Variants in ZNF532 observed in about 807,000 individuals in gnomAD.
The protein encoded by ZNF532 is zinc finger protein 532.
A neutral mutation model predicts 89.3 loss-of-function variants in ZNF532; 22 were observed. That is an observed-to-expected ratio of 0.25 (90% confidence interval 0.18 to 0.35). ZNF532 has a LOEUF of 0.35. Ranked by LOEUF, ZNF532 falls within the 10% of genes least tolerant of loss-of-function variation. ZNF532 has a pLI of 1.00. For synonymous variants in ZNF532, 606 were observed against 649.6 expected (o/e 0.93, Z 1.02); for missense variants, 1,132 against 1,643.4 (o/e 0.69, Z 5.38).
chr18:58,927,117 A>G (rs547481547), intron 3 of ZNF532, among the ~76,000 whole-genome samples: 1 of 152,314 alleles, frequency 6.6e-6, no homozygotes, highest in East Asian at 1.9e-4. Context: ...TTCTCCAATG[A>G]AACCATCTGG....
rs535842577 is a variant in ZNF532, at chr18:58,895,812, T to C, written c.-17-22459T>C. ...AGGTGTCATAAGGGGTGCCAGACAT[T>C]AGAATACAGTGCATTTCTCAAATCT... is the stretch of plus-strand genomic sequence containing the variant. On this transcript the variant is annotated intron_variant, in intron 2 of 9. Coordinates refer to ENST00000591808, the MANE Select transcript of ZNF532 (RefSeq NM_001375912.1). Among the ~76,000 whole-genome samples the C allele has an allele frequency of 8.5e-5, 13 of 152,246 alleles. 1 individual carries two copies. Among genetic ancestry groups the C allele is most frequent in the East Asian group, 3.9e-4 (2 of 5,180 alleles).
chr18:58,979,142 G>A lies in ZNF532; in HGVS notation c.3238G>A (p.Gly1080Ser), dbSNP rs377208554. The change falls in exon 8 of 10, where the codon GGC (glycine) becomes AGC (serine). Residue 1080 changes from glycine to serine, a missense_variant. Transcript: ENST00000591808. The stretch of plus-strand genomic sequence containing the variant: ...CCGGCACAACCGGATCAAGCACAAA[G>A]GCATCAGGAAAGTGTACGCCTGCTC... ...LCRHNRIKHK[G>S]IRKVYACSHC... 6.2e-7 allele frequency: 1 copy of A among 1,613,366 alleles called. No homozygotes were observed. Among genetic ancestry groups the A allele is most frequent in the Non-Finnish European group, 8.5e-7 (1 of 1,179,394 alleles).
chr18:58,941,984 C>CTCCTTCCCTCCTTCCCT (rs1555739612), intron 5 of ZNF532, among the ~76,000 whole-genome samples: 4 of 135,212 alleles, frequency 3.0e-5, no homozygotes, highest in South Asian at 2.7e-4. Context: ...CCCTCCTTCC[C>CTCCTTCCCTCCTTCCCT]TCCTTCCCTT....
At chr18:58,945,544 T>G (rs1463204102) in intron 5 of ZNF532, among the ~76,000 whole-genome samples, 1 of 152,194 alleles carries the variant, frequency 6.6e-6, no homozygotes, top group African/African-American at 2.4e-5. Context: ...TTACACTTCC[T>G]GTTGTTAAGA....
chr18:58,863,530 C>CGGGGAGCCCGGGAGGCGGCGG (rs1568188270), upstream of ZNF532: 3 of 103,126 alleles, frequency 2.9e-5, no homozygotes, highest in Non-Finnish European at 4.0e-5. Flanking sequence ...GCCGCCCGGC[C>CGGGGAGCCCGGGAGGCGGCGG]CGGCGGCGAG....
chr18:58,983,959 C>A lies in ZNF532; in HGVS notation c.3412-13C>A, dbSNP rs763251630. On this transcript the variant is annotated splice_polypyrimidine_tract_variant and intron_variant, in intron 9 of 9. Transcript: ENST00000591808. ...GGTTTTCAGTCGTGTCATTTGCTTT[C>A]TTTCCCTGAAAGGTCCCCAGTCCCA... 13 of 1,595,130 alleles carry A rather than the reference C, an allele frequency of 8.1e-6. No homozygotes were observed. Among genetic ancestry groups the A allele is most frequent in the Non-Finnish European group, 9.4e-6 (11 of 1,170,826 alleles).
Position 58,880,771 on chromosome 18 carries a change from C to CGTGTGTGTGT in ZNF532, c.-18+15194_-18+15195insGTGTGTGTGT, listed in dbSNP as rs1555704786. On this transcript the variant is annotated intron_variant, in intron 2 of 9. Coordinates refer to ENST00000591808, the MANE Select transcript of ZNF532 (RefSeq NM_001375912.1). ...TCATAGGCGCGCGCGCACGCGCGCG[C>CGTGTGTGTGT]GTCTGTGTGTGTGTGTGTATGTTTG... Among the ~76,000 whole-genome samples, 6 of 145,366 alleles carry CGTGTGTGTGT rather than the reference C, an allele frequency of 4.1e-5. No homozygotes were observed. The East Asian group carries it at 8.1e-4, about 20-fold the overall frequency.
intron 2 of ZNF532, among the ~76,000 whole-genome samples, chr18:58,907,428 C>T (rs1053566312): frequency 1.3e-5 from 2 of 152,020 alleles, no homozygotes; most frequent in Non-Finnish European, 2.9e-5. Flanking sequence ...TCGTGATCCC[C>T]CCTGCCCACC....
intron 8 of ZNF532, 74 bp downstream of exon 8, chr18:58,979,241 C>G (rs940926842): frequency 5.6e-6 from 6 of 1,067,486 alleles, no homozygotes; most frequent in Non-Finnish European, 8.5e-6. Flanking sequence ...AGTGTAGTAC[C>G]ATTAACTTGC....
intron 2 of ZNF532, among the ~76,000 whole-genome samples, chr18:58,877,168 C>CT (rs1190978382): frequency 6.6e-6 from 1 of 152,210 alleles, no homozygotes; most frequent in African/African-American, 2.4e-5. Context: ...TTTCTGCCCC[C>CT]TTGCCTGATG....
At chr18:58,962,162 G>T (rs568341862) in intron 7 of ZNF532, among the ~76,000 whole-genome samples, 1 of 151,668 alleles carries the variant, frequency 6.6e-6, no homozygotes, top group Non-Finnish European at 1.5e-5. Context: ...GGAGGTGAAG[G>T]TTGCGGTGAG....
intron 3 of ZNF532, among the ~76,000 whole-genome samples, chr18:58,923,877 G>C (rs2061325875): frequency 1.3e-5 from 2 of 150,576 alleles, no homozygotes; most frequent in Middle Eastern, 6.8e-3. Flanking sequence ...TTTTTTTTGA[G>C]ATGGAGTCTC....
Position 58,948,113 on chromosome 18 carries a change from A to C in ZNF532, c.2752A>C (p.Thr918Pro). The C allele has an allele frequency of 6.2e-7, 1 of 1,613,822 alleles. No homozygotes were observed. The highest frequency in any genetic ancestry group is 8.5e-7 in the Non-Finnish European group (1 of 1,179,826). The change falls in exon 6 of 10, where the codon ACC (threonine) becomes CCC (proline). Residue 918 changes from threonine (T) to proline (P), a missense_variant. Around this residue, in one of 9 missense-constraint regions of ZNF532, gnomAD observed 415 missense variants for 604.8 expected, o/e 0.69. Transcript: ENST00000591808. The stretch of plus-strand genomic sequence containing the variant: ...GTGCGACACTGTGTTCACCCTGCAA[A>C]CCTTGCTGTATCGCCACTTTGACCA... The part of the protein sequence containing the change: ...SMCDTVFTLQ[T>P]LLYRHFDQHI...
At chr18:58,883,466 A>C (rs769662789) in intron 2 of ZNF532, among the ~76,000 whole-genome samples, 1 of 152,196 alleles carries the variant, frequency 6.6e-6, no homozygotes, top group Middle Eastern at 3.4e-3. Flanking sequence ...CCCTCAATTA[A>C]TGGGAGAGGG....
rs140153493 is a variant in ZNF532, at chr18:58,953,905, T to C, written c.3150+106T>C. On this transcript the variant is annotated intron_variant, in intron 7 of 9. Transcript: ENST00000591808. ...GCTTGGCTCTATCAGTAATTAGTGC[T>C]GTGACCTTAAAAATCACTTGGTGTC... 8.0e-4 allele frequency: 1,187 copies of C among 1,480,236 alleles called. 1 individual carries two copies. Among genetic ancestry groups the C allele is most frequent in the African/African-American group, 5.1e-3 (362 of 71,142 alleles). The allele number at this position is 1,480,236 out of a possible 1,614,324, so 91.7% of individuals were successfully genotyped here.
rs1432496731 is a variant in ZNF532, at chr18:58,918,671, G to A, written c.384G>A (p.Gln128=). 4 of 1,614,084 alleles carry A rather than the reference G, an allele frequency of 2.5e-6. No individual in the cohort carries two copies. Among genetic ancestry groups the A allele is most frequent in the Non-Finnish European group, 3.4e-6 (4 of 1,180,048 alleles). Residue 128 remains glutamine (Q), a synonymous_variant, in exon 3 of 10, where the codon CAG becomes CAA. Transcript: ENST00000591808. Reference sequence around the variant, plus strand: ...CACTGAAAGACTCGACATTCAGCCAGTTTAGCCCGATCTCCAGTGCTGAAG... The same window carrying A: ...CACTGAAAGACTCGACATTCAGCCAATTTAGCCCGATCTCCAGTGCTGAAG... ...EVTLKDSTFS[Q]FSPISSAEEF... is the part of the protein sequence containing the mutation.
chr18:58,943,450 G>A (rs1032396151), intron 5 of ZNF532, among the ~76,000 whole-genome samples: 12 of 145,678 alleles, frequency 8.2e-5, no homozygotes, highest in Admixed American at 2.1e-4. Context: ...ATAAGCCACC[G>A]CGCCCAGCCT....
chr18:58,979,026 C>G (rs549060664), intron 7 of ZNF532, 29 bp from the exon 8 acceptor site: 1 of 1,563,016 alleles, frequency 6.4e-7, no homozygotes, highest in East Asian at 2.3e-5. Flanking sequence ...TTTTCATTCC[C>G]TTAAGTGAAC....
rs952697342 is a variant in ZNF532 at position 58,954,188 on chromosome 18, C to T, written c.3150+389C>T. 4.1e-6 allele frequency: 4 copies of T among 984,308 alleles called. No individual in the cohort carries two copies. The African/African-American group carries it at 7.0e-5, about 17-fold the overall frequency. The allele number at this position is 984,308 out of a possible 1,614,324, so 61.0% of individuals were successfully genotyped here. On this transcript the variant is annotated intron_variant, in intron 7 of 9. Coordinates refer to ENST00000591808, the MANE Select transcript of ZNF532 (RefSeq NM_001375912.1). ...AGACAGTGGAAATGTTGAACATTGC[C>T]AGTAGCATTTGTGTGACTTACATGA... is the stretch of plus-strand genomic sequence containing the variant.
Sources: gnomAD v4.1 joint callset for allele counts (sites outside exome capture counted in the v4.1 genomes callset) on GRCh38, gnomAD v4.1.1 for gene constraint, gnomAD v4.1.1 regional missense constraint, MANE v1.5 for transcripts, NCBI Gene and HGNC (gene_info 2026-07-23, HGNC 2026-07-21) for gene names.